The following EML6 variants were observed in gnomAD, a reference collection of about 807,000 sequenced individuals.
EML6 encodes the protein echinoderm microtubule-associated protein-like 6.
EML6 carries 154 observed loss-of-function variants against 240.1 expected under a neutral mutation model. The observed-to-expected ratio is 0.64, with a 90% CI of 0.56 to 0.73. The LOEUF is 0.73. EML6 is among the 30% of genes least tolerant of loss of function. The probability of loss-of-function intolerance (pLI) is 0.00; values close to 1 mark genes in which losing one functional copy is unlikely to be tolerated. For missense variants in EML6, 2,964 were observed against 2,474.6 expected (o/e 1.20, Z -4.20); for synonymous variants, 1,148 against 899.0 (o/e 1.28, Z -4.95).
chr2:54,758,490 C>A (rs796597653), intron 2 of EML6, among the ~76,000 whole-genome samples: 95 of 152,316 alleles, frequency 6.2e-4, no homozygotes, highest in African/African-American at 2.2e-3. Flanking sequence ...CTGTCTCTTA[C>A]TAATCTCTCA....
At chr2:54,853,933 G>T (rs906503298) in intron 11 of EML6, 78 bp downstream of exon 11, 2 of 842,290 alleles carry the variant, frequency 2.4e-6, no homozygotes, top group Non-Finnish European at 3.6e-6. Context: ...TGATCTTCCT[G>T]CTGTCTATTC....
chr2:54,725,290 G>A lies in EML6; in HGVS notation c.197+32G>A, dbSNP rs1051311819. ...GGGTGGCCAGGGGCGGCGGGGAGGG[G>A]TTGCGTGTGGAGGCTGGGAAGGTGG... On this transcript the variant is annotated intron_variant, in intron 2 of 41. Transcript: ENST00000356458. The surrounding 1 kb of genome is among the most constrained non-coding windows in gnomAD (Gnocchi z 4.3). 2 of 1,381,454 alleles carry A rather than the reference G, an allele frequency of 1.4e-6. No homozygotes were observed. Among genetic ancestry groups the A allele is most frequent in the Non-Finnish European group, 1.9e-6 (2 of 1,052,534 alleles). The allele number at this position is 1,381,454 out of a possible 1,614,324, so 85.6% of individuals were successfully genotyped here. A position where few individuals can be genotyped will look rare whatever the true frequency, so the allele number is the denominator to read the frequency against.
intron 35 of EML6, 53 bp downstream of exon 35, chr2:54,960,387 G>T: frequency 1.5e-6 from 2 of 1,346,962 alleles, no homozygotes; most frequent in Admixed American, 2.0e-5. Context: ...GGAAGTGTAG[G>T]TACCCTCCCA....
chr2:54,891,021 A>G, intron 17 of EML6, 33 bp from the exon 18 acceptor site: 1 of 1,104,056 alleles, frequency 9.1e-7, no homozygotes, highest in Non-Finnish European at 1.3e-6. Context: ...TTCCATCCAA[A>G]CTAGAATCTT....
At chr2:54,755,935 C>T (rs1667699987) in intron 2 of EML6, among the ~76,000 whole-genome samples, 1 of 151,988 alleles carries the variant, frequency 6.6e-6, no homozygotes, top group Non-Finnish European at 1.5e-5. Context: ...AAAGCTCTTC[C>T]TTCTTGTATG....
intron 35 of EML6, 87 bp from the exon 36 acceptor site, chr2:54,962,436 T>G (rs1676561964): frequency 5.9e-6 from 6 of 1,025,208 alleles, no homozygotes; most frequent in Non-Finnish European, 8.3e-6. Flanking sequence ...ACTTTCTGTC[T>G]CCATGAATTT....
At chr2:54,793,119 T>C (rs557948391) in intron 2 of EML6, among the ~76,000 whole-genome samples, 1 of 151,972 alleles carries the variant, frequency 6.6e-6, no homozygotes, top group African/African-American at 2.4e-5. Context: ...TTACAAAAAT[T>C]AGCTGGGTGT....
At chr2:54,876,028 G>C (rs1193508768) in intron 16 of EML6, among the ~76,000 whole-genome samples, 2 of 152,064 alleles carry the variant, frequency 1.3e-5, no homozygotes, top group African/African-American at 2.4e-5. Flanking sequence ...ATAAAACTTT[G>C]TCTAATTCAC....
Position 54,895,378 on chromosome 2 carries a change from G to A in EML6, c.2960G>A (p.Gly987Asp). 6.4e-7 allele frequency: 1 copy of A among 1,551,946 alleles called. No individual in the cohort carries two copies. Among genetic ancestry groups the A allele is most frequent in the Non-Finnish European group, 8.7e-7 (1 of 1,146,950 alleles). Residue 987 changes from glycine to aspartate, a missense_variant, in exon 21 of 42, where the codon GGC (glycine) becomes GAC (aspartate). By Grantham distance (94) the Gly-to-Asp change is moderately conservative. Transcript: ENST00000356458. ...NGEILEIDKSGPMTLLVQGHM... is the reference protein window; with the variant it reads ...NGEILEIDKSDPMTLLVQGHM... ...GAGATTCTGGAAATTGATAAGAGTG[G>A]CCCAATGACACTGCTTGTTCAGGTA...
chr2:54,727,667 T>C (rs921387722), intron 2 of EML6, among the ~76,000 whole-genome samples: 1 of 152,242 alleles, frequency 6.6e-6, no homozygotes, highest in Admixed American at 6.5e-5. Context: ...TATTGAATCA[T>C]TACATGAATA....
chr2:54,809,448 G>C (rs1379353545), intron 2 of EML6, among the ~76,000 whole-genome samples: 1 of 152,112 alleles, frequency 6.6e-6, no homozygotes, highest in Non-Finnish European at 1.5e-5. Context: ...AGGGGACAGG[G>C]TTCTTTGCAT....
intron 5 of EML6, among the ~76,000 whole-genome samples, chr2:54,820,836 T>A (rs1425946581): frequency 6.6e-6 from 1 of 152,222 alleles, no homozygotes; most frequent in African/African-American, 2.4e-5. Flanking sequence ...GTCAACACTT[T>A]GACATGTTAT....
Position 54,853,566 on chromosome 2 carries a change from A to C in EML6, c.1445-77A>C, listed in dbSNP as rs35619447. On this transcript the variant is annotated intron_variant, in intron 10 of 41. Coordinates refer to ENST00000356458, the MANE Select transcript of EML6 (RefSeq NM_001039753.4). Reference sequence around the variant, plus strand: ...TTCTGTATTTACAAAAGTTTTCTTAAAGTTTCAGATCTTTATAAAAAATAA... The same window carrying C: ...TTCTGTATTTACAAAAGTTTTCTTACAGTTTCAGATCTTTATAAAAAATAA... 215,688 of 951,370 alleles carry C rather than the reference A, an allele frequency of 0.23. 25,353 individuals are homozygous for C. Among genetic ancestry groups the C allele is most frequent in the African/African-American group, 0.33 (19,759 of 59,496 alleles). The allele number at this position is 951,370 out of a possible 1,614,324, so 58.9% of individuals were successfully genotyped here.
intron 2 of EML6, among the ~76,000 whole-genome samples, chr2:54,769,346 G>C (rs1429660412): frequency 6.6e-6 from 1 of 152,190 alleles, no homozygotes; most frequent in Admixed American, 6.5e-5. Flanking sequence ...ACAAGCCCTA[G>C]AGAAGCAGAT....
At chr2:54,799,492 C>T (rs188381788) in intron 2 of EML6, among the ~76,000 whole-genome samples, 1 of 151,348 alleles carries the variant, frequency 6.6e-6, no homozygotes, top group African/African-American at 2.4e-5. Context: ...ATTACAGGTG[C>T]CCACCACCAC....
At chr2:54,914,624 A>G (rs189780699) in intron 25 of EML6, among the ~76,000 whole-genome samples, 2 of 152,160 alleles carry the variant, frequency 1.3e-5, no homozygotes, top group African/African-American at 4.8e-5. Context: ...ATTCCTGATG[A>G]TGTTGGTTGC....
chr2:54,969,888 A>G (rs1268811605), intron 41 of EML6, among the ~76,000 whole-genome samples, 183 bp from the exon 42 acceptor site: 1 of 152,184 alleles, frequency 6.6e-6, no homozygotes, highest in Admixed American at 6.5e-5. Context: ...AAAAAAACAG[A>G]CCTTTTAAGA....
intron 21 of EML6, 106 bp downstream of exon 21, chr2:54,895,506 G>C (rs1014937745): frequency 4.4e-6 from 5 of 1,144,676 alleles, no homozygotes; most frequent in Non-Finnish European, 5.0e-6. Flanking sequence ...CTCACTCTCA[G>C]GGTTGCACAA....
At chr2:54,892,419 T>A in intron 18 of EML6, 35 bp from the exon 19 acceptor site, 1 of 1,469,644 alleles carries the variant, frequency 6.8e-7, no homozygotes, top group Non-Finnish European at 9.3e-7. Flanking sequence ...AGTGCCAGAT[T>A]TTATAAAGTA....
Sources: gnomAD v4.1 joint callset for allele counts (sites outside exome capture counted in the v4.1 genomes callset) on GRCh38, gnomAD v4.1.1 for gene constraint, Gnocchi (gnomAD v3.1) non-coding constraint, MANE v1.5 for transcripts, NCBI Gene and HGNC (gene_info 2026-07-23, HGNC 2026-07-21) for gene names.